Variants in CYFIP2 observed in about 807,000 individuals in gnomAD.
CYFIP2 encodes the protein cytoplasmic FMR1 interacting protein 2, also known as cytoplasmic FMR1-interacting protein 2.
CYFIP2 carries 29 observed loss-of-function variants against 158.7 expected under a neutral mutation model. The ratio of observed to expected loss-of-function variants is 0.18; its 90% CI spans 0.14 to 0.25. CYFIP2 has a LOEUF of 0.25. CYFIP2 is among the 10% of genes least tolerant of loss of function. The pLI is 1.00. For missense variants in CYFIP2, 852 were observed against 1,639.5 expected (o/e 0.52, Z 8.29); for synonymous variants, 585 against 617.6 (o/e 0.95, Z 0.78).
intron 26 of CYFIP2, among the ~76,000 whole-genome samples, chr5:157,373,593 A>T (rs1349522146): frequency 6.6e-6 from 1 of 152,222 alleles, no homozygotes; most frequent in Non-Finnish European, 1.5e-5. Flanking sequence ...TAGGATGATC[A>T]TTTTAAAAAG....
At chr5:157,350,612 T>G (rs1763002051) in intron 23 of CYFIP2, among the ~76,000 whole-genome samples, 1 of 152,220 alleles carries the variant, frequency 6.6e-6, no homozygotes. Flanking sequence ...GTGTGGGCTC[T>G]TTTTCAGTTT....
intron 20 of CYFIP2, among the ~76,000 whole-genome samples, chr5:157,331,273 T>C (rs1325506974): frequency 6.6e-6 from 1 of 151,698 alleles, no homozygotes; most frequent in Admixed American, 6.6e-5. Context: ...ATTGGGTTTT[T>C]TGTGTGCAGA....
At chr5:157,303,162 T>C in intron 7 of CYFIP2, 1 of 352,752 alleles carries the variant, frequency 2.8e-6, no homozygotes. Flanking sequence ...GGTCTGGAGT[T>C]AGGCAGCCTT....
intron 23 of CYFIP2, chr5:157,341,466 C>A (rs943328987): frequency 8.6e-6 from 3 of 347,724 alleles, no homozygotes; most frequent in Non-Finnish European, 1.6e-5. Flanking sequence ...GCAGGGGGAT[C>A]CTTTGAGCCC....
At chr5:157,312,370 GA>G (rs57427003) in intron 11 of CYFIP2, among the ~76,000 whole-genome samples, 4,526 of 148,022 alleles carry the variant, frequency 0.031, 230 homozygotes, top group African/African-American at 0.11. Context: ...CAAACCTCAG[GA>G]AAAAAACCCA....
chr5:157,303,708 C>A (rs1758974919), intron 7 of CYFIP2, among the ~76,000 whole-genome samples: 1 of 152,132 alleles, frequency 6.6e-6, no homozygotes, highest in African/African-American at 2.4e-5. Flanking sequence ...GCATACCCTG[C>A]AGGGGCCTGG....
At chr5:157,365,625 G>A (rs1428944953) in intron 26 of CYFIP2, 1 of 151,982 alleles carries the variant, frequency 6.6e-6, no homozygotes, top group Non-Finnish European at 1.5e-5. Flanking sequence ...TGTAGCCCAG[G>A]TCTAGACGCA....
At chr5:157,295,067 T>C (rs1758142936) in intron 4 of CYFIP2, among the ~76,000 whole-genome samples, 1 of 152,192 alleles carries the variant, frequency 6.6e-6, no homozygotes, top group African/African-American at 2.4e-5. Context: ...TTAAAACACA[T>C]TTGTTCAATA....
intron 26 of CYFIP2, among the ~76,000 whole-genome samples, chr5:157,377,216 A>G (rs1025105113): frequency 2.0e-5 from 3 of 151,970 alleles, no homozygotes; most frequent in Non-Finnish European, 4.4e-5. Flanking sequence ...CCATCAGGAT[A>G]ATGTCTAGAA....
At chr5:157,352,286 A>T (rs1428468719) in intron 23 of CYFIP2, among the ~76,000 whole-genome samples, 2 of 152,192 alleles carry the variant, frequency 1.3e-5, no homozygotes, top group South Asian at 2.1e-4. Context: ...TCATACCGTC[A>T]TACTACCACA....
At chr5:157,390,398 A>T in intron 29 of CYFIP2, 123 bp from the exon 30 acceptor site, 1 of 888,796 alleles carries the variant, frequency 1.1e-6, no homozygotes, top group Non-Finnish European at 1.7e-6. Flanking sequence ...TTATAGGTTA[A>T]GAGACTTGGC....
intron 2 of CYFIP2, among the ~76,000 whole-genome samples, chr5:157,286,615 T>C (rs1757414970): frequency 1.3e-5 from 2 of 151,394 alleles, no homozygotes; most frequent in South Asian, 4.2e-4. Context: ...GTAGGTTGTT[T>C]ACAGTTTGTT....
At chr5:157,295,037 A>G (rs1758139849) in intron 4 of CYFIP2, among the ~76,000 whole-genome samples, 177 bp downstream of exon 4, 1 of 152,256 alleles carries the variant, frequency 6.6e-6, no homozygotes, top group African/African-American at 2.4e-5. Context: ...AAGTGATGAC[A>G]GGGACGCATG....
At chr5:157,316,717 G>C (rs992325284) in intron 13 of CYFIP2, among the ~76,000 whole-genome samples, 1 of 152,118 alleles carries the variant, frequency 6.6e-6, no homozygotes. Flanking sequence ...CTGTAAAATG[G>C]AGCTAATCAA....
chr5:157,289,341 T>C (rs756042306), intron 3 of CYFIP2, among the ~76,000 whole-genome samples: 1 of 152,234 alleles, frequency 6.6e-6, no homozygotes, highest in Non-Finnish European at 1.5e-5. Context: ...AGGGATATTG[T>C]TTACAGATTC....
intron 1 of CYFIP2, among the ~76,000 whole-genome samples, chr5:157,280,787 G>C (rs1756935898): frequency 2.0e-5 from 3 of 151,746 alleles, no homozygotes; most frequent in Admixed American, 2.0e-4. Context: ...GCAAAACCCT[G>C]TGTCCTTTTA....
chr5:157,302,000 C>G (rs928915179), intron 6 of CYFIP2, among the ~76,000 whole-genome samples: 1 of 152,162 alleles, frequency 6.6e-6, no homozygotes, highest in African/African-American at 2.4e-5. Flanking sequence ...AGGCTGGGCC[C>G]CATCTCAAGG....
intron 13 of CYFIP2, among the ~76,000 whole-genome samples, chr5:157,315,450 C>T (rs180858581): frequency 1.3e-5 from 2 of 152,212 alleles, no homozygotes; most frequent in Non-Finnish European, 2.9e-5. Flanking sequence ...ACAGTGTTTA[C>T]CATCAGGATA....
At chr5:157,352,014 A>G (rs1763105511) in intron 23 of CYFIP2, among the ~76,000 whole-genome samples, 1 of 152,216 alleles carries the variant, frequency 6.6e-6, no homozygotes, top group African/African-American at 2.4e-5. Context: ...TCAATAAAAC[A>G]AAACTTTAAC....
Sources: gnomAD v4.1 joint callset for allele counts (sites outside exome capture counted in the v4.1 genomes callset) on GRCh38, gnomAD v4.1.1 for gene constraint, MANE v1.5 for transcripts, NCBI Gene and HGNC (gene_info 2026-07-23, HGNC 2026-07-21) for gene names.